The following ARFGEF3 variants were observed in gnomAD, a reference collection of about 807,000 sequenced individuals.
ARFGEF3 encodes brefeldin A-inhibited guanine nucleotide-exchange protein 3.
A neutral mutation model predicts 221.7 loss-of-function variants in ARFGEF3; 96 were observed. That is an observed-to-expected ratio of 0.43 (90% confidence interval 0.37 to 0.51). The LOEUF (loss-of-function observed/expected upper bound fraction) is 0.51, where lower values mean the gene tolerates loss of function less well. ARFGEF3 is among the 20% of genes least tolerant of loss of function. ARFGEF3 has a pLI of 0.00. For missense variants in ARFGEF3, 2,410 were observed against 2,789.9 expected (o/e 0.86, Z 3.07); for synonymous variants, 1,145 against 1,126.8 (o/e 1.02, Z -0.32).
chr6:138,171,805 T>C, intron 2 of ARFGEF3, among the ~76,000 whole-genome samples: 1 of 152,226 alleles, frequency 6.6e-6, no homozygotes, highest in African/African-American at 2.4e-5. Flanking sequence ...TATTTTCTAA[T>C]GCCAGTATAT....
Position 138,339,185 on chromosome 6 carries a change from C to G in ARFGEF3, c.*2699C>G, listed in dbSNP as rs901123434. 1.3e-5 allele frequency: 2 copies of G among 152,218 alleles called. No homozygotes were observed. Among genetic ancestry groups the G allele is most frequent in the Non-Finnish European group, 2.9e-5 (2 of 68,054 alleles). 9.4% of individuals were successfully genotyped at this position (152,218 alleles called of 1,614,324 possible). ...TTTGCAGCTTGATGCAAAGTAGTCT[C>G]TAATGAGTAGGCATTCAGGTGGTTC... On this transcript the variant is annotated 3_prime_UTR_variant, in exon 34 of 34. Coordinates refer to ENST00000251691, the MANE Select transcript of ARFGEF3 (RefSeq NM_020340.5).
chr6:138,190,877 A>G (rs1021453166), intron 2 of ARFGEF3, among the ~76,000 whole-genome samples: 1 of 152,030 alleles, frequency 6.6e-6, no homozygotes, highest in African/African-American at 2.4e-5. Context: ...TTTCCCCTTT[A>G]GTCTTTGTTC....
At chr6:138,247,180 G>A (rs1778499673) in intron 8 of ARFGEF3, among the ~76,000 whole-genome samples, 2 of 152,100 alleles carry the variant, frequency 1.3e-5, no homozygotes, top group African/African-American at 4.8e-5. Flanking sequence ...TACAGCAGAT[G>A]GATGTAAATA....
chr6:138,174,184 T>A (rs976763630), intron 2 of ARFGEF3, among the ~76,000 whole-genome samples: 3 of 152,150 alleles, frequency 2.0e-5, no homozygotes, highest in Non-Finnish European at 4.4e-5. Flanking sequence ...CAGTTTGTGA[T>A]TCACAATAGT....
intron 2 of ARFGEF3, among the ~76,000 whole-genome samples, chr6:138,193,204 A>G (rs1370607621): frequency 6.6e-6 from 1 of 152,166 alleles, no homozygotes; most frequent in Non-Finnish European, 1.5e-5. Flanking sequence ...CTTTGCATTT[A>G]CAATCTCATT....
At chr6:138,186,993 G>A (rs764237487) in intron 2 of ARFGEF3, among the ~76,000 whole-genome samples, 9 of 127,724 alleles carry the variant, frequency 7.0e-5, no homozygotes, top group Admixed American at 3.0e-4. Flanking sequence ...TTGGCTCACT[G>A]CAACCTCCAC....
intron 24 of ARFGEF3, among the ~76,000 whole-genome samples, chr6:138,310,541 A>G (rs1779807478): frequency 6.6e-6 from 1 of 152,070 alleles, no homozygotes; most frequent in Non-Finnish European, 1.5e-5. Context: ...TCGAAAACCT[A>G]AGAAATGTTT....
At chr6:138,175,924 T>C (rs1376286012) in intron 2 of ARFGEF3, among the ~76,000 whole-genome samples, 1 of 152,212 alleles carries the variant, frequency 6.6e-6, no homozygotes, top group Non-Finnish European at 1.5e-5. Flanking sequence ...ATCTGGGTGC[T>C]CCAGTGTTGG....
chr6:138,299,659 G>A (rs56282140), intron 22 of ARFGEF3, among the ~76,000 whole-genome samples: 8,621 of 152,164 alleles, frequency 0.057, 359 homozygotes, highest in Non-Finnish European at 0.092. Context: ...TGGTTTTCCC[G>A]CGAGGGAATT....
At chr6:138,210,139 G>C (rs765264174) in intron 4 of ARFGEF3, 98 bp downstream of exon 4, 107 of 1,213,954 alleles carry the variant, frequency 8.8e-5, no homozygotes, top group Middle Eastern at 2.8e-4. Context: ...TTGTGGTCAT[G>C]CTAGCTCATC....
At chr6:138,212,234 AG>A (rs1315817689) in intron 4 of ARFGEF3, among the ~76,000 whole-genome samples, 1 of 152,234 alleles carries the variant, frequency 6.6e-6, no homozygotes, top group Non-Finnish European at 1.5e-5. Context: ...ACATTTTTCA[AG>A]AATATATTGT....
intron 12 of ARFGEF3, among the ~76,000 whole-genome samples, chr6:138,273,680 G>A (rs367801140): frequency 6.6e-5 from 10 of 152,244 alleles, no homozygotes; most frequent in East Asian, 3.9e-4. Context: ...ATTTTGAGCC[G>A]TGTAACTTTG....
At position 138,334,469 on chromosome 6, in the gene ARFGEF3, AAGG is replaced by A. The variant is rs777828045; in HGVS notation, c.5626_5628del (p.Glu1876del). The A allele has an allele frequency of 7.5e-4, 1,202 of 1,612,492 alleles. 5 individuals carry two copies. Among genetic ancestry groups the A allele is most frequent in the Middle Eastern group, 3.5e-3 (21 of 6,062 alleles). ...CGCCCAGGTCAGCCCCCCGAGAGGCAAGGAGAAGAGACAGTGGCGGGCACGGAT... is the reference window on the plus strand; with the variant it reads ...CGCCCAGGTCAGCCCCCCGAGAGGCAAGAAGAGACAGTGGCGGGCACGGAT... On this transcript the variant is annotated inframe_deletion, in exon 33 of 34. Transcript: ENST00000251691. This position sits in a 1 kb window ranked among gnomAD's most constrained non-coding sequence, Gnocchi z 5.1.
chr6:138,224,168 T>C (rs1381345488), intron 4 of ARFGEF3, among the ~76,000 whole-genome samples: 1 of 152,188 alleles, frequency 6.6e-6, no homozygotes, highest in Non-Finnish European at 1.5e-5. Context: ...AGAAATGAGC[T>C]CTTCAACTCA....
chr6:138,335,189 G>C lies in ARFGEF3; in HGVS notation c.6342+1G>C. The C allele has an allele frequency of 1.3e-6, 2 of 1,528,998 alleles. No homozygotes were observed. The highest frequency in any genetic ancestry group is 1.7e-6 in the Non-Finnish European group (2 of 1,147,476). The allele number at this position is 1,528,998 out of a possible 1,614,324, so 94.7% of individuals were successfully genotyped here. A position where few individuals can be genotyped will look rare whatever the true frequency, so the allele number is the denominator to read the frequency against. On this transcript the variant is annotated splice_donor_variant, in intron 33 of 33. Coordinates refer to ENST00000251691, the MANE Select transcript of ARFGEF3 (RefSeq NM_020340.5). LOFTEE classifies it high-confidence loss of function. ...GAGAGACGCAGAAGCACAGATCCAG[G>C]TACATCCCTGTGGCCACAGCAGGTG...
At chr6:138,320,016 A>G (rs1010871121) in intron 28 of ARFGEF3, 137 bp downstream of exon 28, 3 of 731,968 alleles carry the variant, frequency 4.1e-6, no homozygotes, top group East Asian at 2.8e-5. Flanking sequence ...ATAGAACAAC[A>G]TGGTCAGTGC....
chr6:138,169,374 C>T (rs1776782967), intron 1 of ARFGEF3, among the ~76,000 whole-genome samples: 1 of 152,206 alleles, frequency 6.6e-6, no homozygotes, highest in Non-Finnish European at 1.5e-5. Context: ...TGCTGTGTGA[C>T]AGCCTTTTCT....
chr6:138,260,093 G>A (rs190656309), intron 10 of ARFGEF3, among the ~76,000 whole-genome samples: 65 of 152,236 alleles, frequency 4.3e-4, no homozygotes, highest in Non-Finnish European at 9.3e-4. Flanking sequence ...GTCCAGCCAC[G>A]GGGCTGCAGG....
intron 12 of ARFGEF3, among the ~76,000 whole-genome samples, chr6:138,264,670 C>T (rs1269155739): frequency 6.6e-6 from 1 of 152,198 alleles, no homozygotes; most frequent in South Asian, 2.1e-4. Context: ...CCTCTCTAGA[C>T]TCCCTGCTCT....
Sources: allele counts gnomAD v4.1 joint callset (sites outside exome capture counted in the v4.1 genomes callset), GRCh38; gene constraint gnomAD v4.1.1; non-coding constraint Gnocchi (gnomAD v3.1); transcripts MANE v1.5; gene names NCBI Gene and HGNC (gene_info 2026-07-23, HGNC 2026-07-21).